Variants in LMCD1 observed in about 807,000 individuals in gnomAD.
LMCD1 encodes LIM and cysteine rich domains 1.
A neutral mutation model predicts 42.7 loss-of-function variants in LMCD1; 32 were observed. The observed-to-expected ratio is 0.75, with a 90% CI of 0.57 to 1.01. The LOEUF is 1.01. Ranked by LOEUF, LMCD1 falls within the 50% of genes least tolerant of loss-of-function variation. The pLI is 0.00. For missense variants in LMCD1, 458 were observed against 483.1 expected (o/e 0.95, Z 0.49); for synonymous variants, 178 against 184.9 (o/e 0.96, Z 0.30).
chr3:8,519,925 A>AGTGTGTGT (rs369271623), intron 1 of LMCD1, among the ~76,000 whole-genome samples: 1 of 147,832 alleles, frequency 6.8e-6, no homozygotes, highest in African/African-American at 2.5e-5. Context: ...TGTGAGAGAG[A>AGTGTGTGT]GTGTGTGTGT....
chr3:8,536,088 G>A (rs970085442), intron 2 of LMCD1, among the ~76,000 whole-genome samples: 1 of 152,188 alleles, frequency 6.6e-6, no homozygotes, highest in Non-Finnish European at 1.5e-5. Flanking sequence ...TCGATCAGAC[G>A]TATTTACCTC....
At chr3:8,538,112 C>T (rs1419520044) in intron 3 of LMCD1, among the ~76,000 whole-genome samples, 1 of 152,212 alleles carries the variant, frequency 6.6e-6, no homozygotes, top group Non-Finnish European at 1.5e-5. Context: ...GAGTCAGAAG[C>T]TCCAGACTAC....
intron 4 of LMCD1, among the ~76,000 whole-genome samples, chr3:8,554,140 G>A (rs1277651674): frequency 6.6e-6 from 1 of 152,098 alleles, no homozygotes; most frequent in East Asian, 1.9e-4. Flanking sequence ...AAACTCCCGG[G>A]TTCAAACCAT....
At chr3:8,529,533 G>A (rs775738956) in intron 1 of LMCD1, among the ~76,000 whole-genome samples, 2 of 152,150 alleles carry the variant, frequency 1.3e-5, no homozygotes, top group South Asian at 2.1e-4. Flanking sequence ...AGATTTTAAC[G>A]TCGATTCTCT....
At chr3:8,547,242 C>T (rs1694754415) in intron 3 of LMCD1, among the ~76,000 whole-genome samples, 1 of 152,202 alleles carries the variant, frequency 6.6e-6, no homozygotes, top group Non-Finnish European at 1.5e-5. Flanking sequence ...CAAGATTGTT[C>T]CCTGTCCCAC....
intron 4 of LMCD1, chr3:8,551,367 A>G: frequency 1.0e-6 from 1 of 984,298 alleles, no homozygotes; most frequent in Non-Finnish European, 1.2e-6. Context: ...ACATTTATTA[A>G]GCCCCTGCTC....
intron 1 of LMCD1, among the ~76,000 whole-genome samples, chr3:8,510,285 C>T (rs934752903): frequency 2.0e-5 from 3 of 152,166 alleles, no homozygotes; most frequent in African/African-American, 2.4e-5. Context: ...CCACGGCACA[C>T]GGGTGCTCCC....
intron 1 of LMCD1, among the ~76,000 whole-genome samples, chr3:8,523,041 G>A (rs148508339): frequency 4.9e-4 from 75 of 152,290 alleles, no homozygotes; most frequent in African/African-American, 1.8e-3. Context: ...GCCGATTCAG[G>A]CACTTCTGCC....
At chr3:8,504,484 A>G (rs1693835285) in intron 1 of LMCD1, among the ~76,000 whole-genome samples, 1 of 152,248 alleles carries the variant, frequency 6.6e-6, no homozygotes, top group Non-Finnish European at 1.5e-5. Context: ...CCTACCCCCG[A>G]GGGGGCTGGG....
chr3:8,550,137 G>A, intron 4 of LMCD1: 1 of 1,368,056 alleles, frequency 7.3e-7, no homozygotes, highest in Non-Finnish European at 9.4e-7. Context: ...CCAGAGTTGG[G>A]GAGATGAAAG....
At chr3:8,502,266 AAT>A (rs762474210) in intron 1 of LMCD1, among the ~76,000 whole-genome samples, 7 of 72,714 alleles carry the variant, frequency 9.6e-5, no homozygotes, top group Admixed American at 2.2e-4. Flanking sequence ...ATGTATATAA[AAT>A]ATATATATAA....
chr3:8,572,319 T>C lies in LMCD1; in HGVS notation c.*4721T>C, dbSNP rs1471498971. 6.6e-6 allele frequency: 1 copy of C among 152,250 alleles called. No individual in the cohort carries two copies. Among genetic ancestry groups the C allele is most frequent in the East Asian group, 1.9e-4 (1 of 5,204 alleles). 9.4% of individuals were successfully genotyped at this position (152,250 alleles called of 1,614,324 possible). A position where few individuals can be genotyped will look rare whatever the true frequency, so the allele number is the denominator to read the frequency against. ...TGATACAGGATTTTGATTTGTTCCA[T>C]TACTGTTGACATGAATTTTGAACAT... is the stretch of plus-strand genomic sequence containing the variant. On this transcript the variant is annotated 3_prime_UTR_variant, in exon 6 of 6. Transcript: ENST00000157600.
At chr3:8,557,335 C>A (rs747696430) in intron 4 of LMCD1, among the ~76,000 whole-genome samples, 59 of 152,202 alleles carry the variant, frequency 3.9e-4, no homozygotes, top group Admixed American at 1.2e-3. Context: ...TGTTTATAAA[C>A]AAATTGTTGA....
chr3:8,512,110 T>G (rs1694013380), intron 1 of LMCD1, among the ~76,000 whole-genome samples: 1 of 152,190 alleles, frequency 6.6e-6, no homozygotes. Flanking sequence ...CCACAGCATG[T>G]GTGTGCACCC....
At chr3:8,558,831 C>T (rs982555653) in intron 4 of LMCD1, among the ~76,000 whole-genome samples, 9 of 152,148 alleles carry the variant, frequency 5.9e-5, no homozygotes, top group Non-Finnish European at 1.3e-4. Flanking sequence ...TATTTTTAAA[C>T]AGTCTATAAC....
intron 1 of LMCD1, among the ~76,000 whole-genome samples, chr3:8,511,458 C>T (rs1029550532): frequency 4.6e-5 from 7 of 152,174 alleles, no homozygotes; most frequent in African/African-American, 1.7e-4. Context: ...AGAATCATAG[C>T]AGTGCCTAAA....
At chr3:8,550,740 AC>A (rs1694825906) in intron 4 of LMCD1, 2 of 985,092 alleles carry the variant, frequency 2.0e-6, no homozygotes, top group Non-Finnish European at 2.4e-6. Flanking sequence ...TTCCCGCCCC[AC>A]CCTGATCCTG....
intron 1 of LMCD1, among the ~76,000 whole-genome samples, chr3:8,502,305 AT>A (rs1559342056): frequency 0.02 from 432 of 21,472 alleles, 30 homozygotes; most frequent in Middle Eastern, 0.036. Flanking sequence ...ATTATATATA[AT>A]ATATAAAATA....
At chr3:8,532,914 G>A in intron 2 of LMCD1, 89 bp downstream of exon 2, 1 of 1,065,160 alleles carries the variant, frequency 9.4e-7, no homozygotes, top group Non-Finnish European at 1.5e-6. Context: ...CGCTGAGACT[G>A]CTTTGGTTGT....
Sources: allele counts gnomAD v4.1 joint callset (sites outside exome capture counted in the v4.1 genomes callset), GRCh38; gene constraint gnomAD v4.1.1; transcripts MANE v1.5; gene names NCBI Gene and HGNC (gene_info 2026-07-23, HGNC 2026-07-21).